JPH1: variants seen among roughly 807,000 people sequenced by gnomAD.
JPH1 encodes the protein junctophilin 1.
In JPH1, 12 loss-of-function variants were observed where a neutral mutation model predicts 53.6. The ratio of observed to expected loss-of-function variants is 0.22; its 90% confidence interval spans 0.14 to 0.36. The LOEUF is 0.36. JPH1 is among the 10% of genes least tolerant of loss of function. JPH1 has a pLI of 1.00. For synonymous variants in JPH1, 375 were observed against 363.8 expected, an observed-to-expected ratio of 1.03 and a Z score of -0.35; for missense variants, 808 against 905.5, an observed-to-expected ratio of 0.89 and a Z score of 1.38.
At position 74,244,033 on chromosome 8, in the gene JPH1, C is replaced by T. The variant is rs556219972; in HGVS notation, c.1905+496G>A. 1.1e-4 allele frequency among the ~76,000 whole-genome samples: 16 copies of T among 152,302 alleles called. No homozygotes were observed. In the South Asian group the frequency reaches 2.9e-3, roughly 28 times the overall value. On this transcript the variant is annotated intron_variant, in intron 4 of 5. Transcript: ENST00000342232. Reference sequence around the variant, plus strand: ...GCCTGGCTAATTAAAGTCCAAACTACGTATGTATGAGAAGAATTCACAACG... The same window carrying T: ...GCCTGGCTAATTAAAGTCCAAACTATGTATGTATGAGAAGAATTCACAACG...
In JPH1 at chr8:74,321,508, C is replaced by T. The variant is rs1808327708; in HGVS notation, c.-221G>A. ...CCTCCTCCTCCTCCTCCTCCTTCGCCGCCGCCGCCTGGGCCAGCGCCGCGC... is the reference window on the plus strand; with the variant it reads ...CCTCCTCCTCCTCCTCCTCCTTCGCTGCCGCCGCCTGGGCCAGCGCCGCGC... On this transcript the variant is annotated 5_prime_UTR_variant, in exon 1 of 6. Transcript: ENST00000342232. The surrounding 1 kb of genome is among the most constrained non-coding windows in gnomAD (Gnocchi z 4.3). 3 of 468,600 alleles carry T rather than the reference C, an allele frequency of 6.4e-6. No individual in the cohort carries two copies. The allele number at this position is 468,600 out of a possible 1,614,324, so 29.0% of individuals were successfully genotyped here. A position where few individuals can be genotyped will look rare whatever the true frequency, so the allele number is the denominator to read the frequency against.
chr8:74,269,050 C>T (rs1806620997), intron 2 of JPH1, among the ~76,000 whole-genome samples: 1 of 152,202 alleles, frequency 6.6e-6, no homozygotes, highest in African/African-American at 2.4e-5. Flanking sequence ...CTTGAACTCA[C>T]AGTTGAAAAA....
chr8:74,245,171 A>G lies in JPH1; in HGVS notation c.1263T>C (p.Pro421=), dbSNP rs1316648537. 1 of 1,563,524 alleles carries G rather than the reference A, an allele frequency of 6.4e-7. No individual in the cohort carries two copies. The highest frequency in any genetic ancestry group is 1.5e-5 in the African/African-American group (1 of 66,330). The change falls in exon 4 of 6, where the codon CCT becomes CCC. Residue 421 remains proline, a synonymous_variant. Coordinates refer to ENST00000342232, the MANE Select transcript of JPH1 (RefSeq NM_020647.4). ...CCTGAAATCTCTGTTTGACGTAATC[A>G]GGGCCTGGCCAAAAAAAAAAGAAAA... ...ELSPDFYQPG[P]DYVKQRFQEG...
At chr8:74,280,747 ATATT>A (rs1409305105) in intron 2 of JPH1, among the ~76,000 whole-genome samples, 2 of 152,236 alleles carry the variant, frequency 1.3e-5, no homozygotes, top group African/African-American at 4.8e-5. Flanking sequence ...TAAAAACTGA[ATATT>A]TATATAAGAC....
chr8:74,258,258 A>G (rs1806294518), intron 3 of JPH1, among the ~76,000 whole-genome samples: 1 of 152,310 alleles, frequency 6.6e-6, no homozygotes, highest in East Asian at 1.9e-4. Flanking sequence ...AACTTTTAAC[A>G]TAAATTGAAA....
At chr8:74,304,493 C>T (rs1807776468) in intron 2 of JPH1, among the ~76,000 whole-genome samples, 1 of 152,200 alleles carries the variant, frequency 6.6e-6, no homozygotes, top group Admixed American at 6.5e-5. Flanking sequence ...TGAGGCTCTT[C>T]CATTCTTACC....
intron 1 of JPH1, among the ~76,000 whole-genome samples, chr8:74,319,958 T>C (rs1265204995): frequency 6.6e-6 from 1 of 152,230 alleles, no homozygotes; most frequent in African/African-American, 2.4e-5. Context: ...TCTGTCCTGG[T>C]ATATACACAA....
rs781308032 is a variant in JPH1, at chr8:74,315,224, A to G, written c.776T>C (p.Phe259Ser). The G allele has an allele frequency of 5.6e-6, 9 of 1,614,176 alleles. No individual in the cohort carries two copies. In the South Asian group the frequency reaches 9.9e-5, roughly 18 times the overall value. Residue 259 changes from phenylalanine (F) to serine (S), a missense_variant, in exon 2 of 6, where the codon TTT becomes TCT. Around this residue, in one of 2 missense-constraint regions of JPH1, gnomAD observed 756 missense variants for 811.9 expected, o/e 0.93. Coordinates refer to ENST00000342232, the MANE Select transcript of JPH1 (RefSeq NM_020647.4). This position sits in a 1 kb window ranked among gnomAD's most constrained non-coding sequence, Gnocchi z 6.3. ...SSSDANSTIS[F>S]GDVDCDFCPV... ...GCAAAAATCACAATCTACATCGCCA[A>G]AGCTGATCGTGGAGTTGGCATCGCT... is the stretch of plus-strand genomic sequence containing the variant.
chr8:74,254,136 A>C (rs1042341544), intron 3 of JPH1, among the ~76,000 whole-genome samples: 1 of 152,152 alleles, frequency 6.6e-6, no homozygotes, highest in Non-Finnish European at 1.5e-5. Flanking sequence ...CTGATGCAAA[A>C]ATCCTCAATA....
At chr8:74,274,860 C>T (rs1806803663) in intron 2 of JPH1, among the ~76,000 whole-genome samples, 1 of 152,160 alleles carries the variant, frequency 6.6e-6, no homozygotes, top group Non-Finnish European at 1.5e-5. Context: ...CTGATATTAA[C>T]ATCTTCACTT....
intron 2 of JPH1, among the ~76,000 whole-genome samples, chr8:74,291,780 T>C (rs1335713943): frequency 6.6e-6 from 1 of 152,230 alleles, no homozygotes; most frequent in Non-Finnish European, 1.5e-5. Context: ...CCAACCCAAA[T>C]GTCCATCAAT....
Position 74,298,576 on chromosome 8 carries a change from G to A in JPH1, c.1139+16285C>T, listed in dbSNP as rs536125851. 5.3e-5 allele frequency among the ~76,000 whole-genome samples: 8 copies of A among 152,148 alleles called. 1 individual carries two copies. Among genetic ancestry groups the A allele is most frequent in the African/African-American group, 1.9e-4 (8 of 41,490 alleles). The stretch of plus-strand genomic sequence containing the variant: ...TTAGTGCTTTTCAGATCCTTTAATA[G>A]TCAGGCACCCCTTATCTAATTGTCC... On this transcript the variant is annotated intron_variant, in intron 2 of 5. Coordinates refer to ENST00000342232, the MANE Select transcript of JPH1 (RefSeq NM_020647.4).
rs759341042 is a variant in JPH1 at position 74,259,431 on chromosome 8, G to C, written c.1212C>G (p.Ile404Met). 8.7e-6 allele frequency: 14 copies of C among 1,613,742 alleles called. No homozygotes were observed. Among genetic ancestry groups the C allele is most frequent in the Non-Finnish European group, 1.1e-5 (13 of 1,179,820 alleles). ...AALAARQECD[I>M]ARAVARELSP... ...ACAGCTCCCTGGCCACAGCTCTCGC[G>C]ATGTCGCACTCCTGGCGAGCGGCCA... Residue 404 changes from isoleucine (I) to methionine (M), a missense_variant, in exon 3 of 6, where the codon ATC becomes ATG. Ile to Met is a conservative substitution (Grantham distance 10). Around this residue, in one of 2 missense-constraint regions of JPH1, gnomAD observed 756 missense variants for 811.9 expected, o/e 0.93. Transcript: ENST00000342232.
chr8:74,277,973 T>C (rs1806897755), intron 2 of JPH1, among the ~76,000 whole-genome samples: 1 of 152,200 alleles, frequency 6.6e-6, no homozygotes, highest in African/African-American at 2.4e-5. Context: ...CAAAAGGATT[T>C]TCCCAGAGTT....
chr8:74,252,423 T>C (rs1205427918), intron 3 of JPH1, among the ~76,000 whole-genome samples: 1 of 152,102 alleles, frequency 6.6e-6, no homozygotes, highest in African/African-American at 2.4e-5. Context: ...AATCTACTCA[T>C]CTGACAAAGG....
intron 2 of JPH1, among the ~76,000 whole-genome samples, chr8:74,275,942 T>A (rs1806835457): frequency 6.6e-6 from 1 of 152,210 alleles, no homozygotes. Context: ...ATTGAGCTTT[T>A]AAAAATATTT....
Position 74,320,765 on chromosome 8 carries a change from G to C in JPH1, c.379+144C>G. On this transcript the variant is annotated intron_variant, in intron 1 of 5. Coordinates refer to ENST00000342232, the MANE Select transcript of JPH1 (RefSeq NM_020647.4). This position sits in a 1 kb window ranked among gnomAD's most constrained non-coding sequence, Gnocchi z 4.4. ...CGCCCTCTCTGGGAAAGGCGGGCGCGGGCGCGGGGGTGGGAGGCGCCCCCA... is the reference window on the plus strand; with the variant it reads ...CGCCCTCTCTGGGAAAGGCGGGCGCCGGCGCGGGGGTGGGAGGCGCCCCCA... 1 of 1,008,922 alleles carries C rather than the reference G, an allele frequency of 9.9e-7. No homozygotes were observed. The highest frequency in any genetic ancestry group is 1.3e-6 in the Non-Finnish European group (1 of 741,660). The allele number at this position is 1,008,922 out of a possible 1,614,324, so 62.5% of individuals were successfully genotyped here.
intron 2 of JPH1, among the ~76,000 whole-genome samples, chr8:74,290,884 A>G (rs1458203905): frequency 2.0e-5 from 3 of 152,106 alleles, no homozygotes; most frequent in South Asian, 2.1e-4. Flanking sequence ...ATGGGGAAAA[A>G]ATTCCCTATT....
chr8:74,288,237 T>C (rs889993506), intron 2 of JPH1, among the ~76,000 whole-genome samples: 1 of 152,212 alleles, frequency 6.6e-6, no homozygotes, highest in African/African-American at 2.4e-5. Flanking sequence ...ACAGGTTTCA[T>C]CTTCCCATCC....
Sources: allele counts gnomAD v4.1 joint callset (sites outside exome capture counted in the v4.1 genomes callset), GRCh38; gene constraint gnomAD v4.1.1; regional missense constraint gnomAD v4.1.1; non-coding constraint Gnocchi (gnomAD v3.1); transcripts MANE v1.5; gene names NCBI Gene and HGNC (gene_info 2026-07-23, HGNC 2026-07-21).